The following VOPP1 variants were observed in gnomAD, a reference collection of about 807,000 sequenced individuals.
The protein encoded by VOPP1 is WW domain binding protein VOPP1.
In VOPP1, 8 loss-of-function variants were observed where a neutral mutation model predicts 23.5. The ratio of observed to expected loss-of-function variants is 0.34; its 90% CI spans 0.20 to 0.61. The LOEUF (loss-of-function observed/expected upper bound fraction) is 0.61. Ranked by LOEUF, VOPP1 falls within the 20% of genes least tolerant of loss-of-function variation. The pLI, the probability that VOPP1 is intolerant of heterozygous loss-of-function variation, is 0.78. For missense variants in VOPP1, 174 were observed against 238.1 expected, an observed-to-expected ratio of 0.73 and a Z score of 1.77; for synonymous variants, 83 against 97.3, an observed-to-expected ratio of 0.85 and a Z score of 0.86.
chr7:55,505,651 A>G (rs868416119), intron 2 of VOPP1, among the ~76,000 whole-genome samples: 129 of 78,612 alleles, frequency 1.6e-3, no homozygotes, highest in African/African-American at 7.7e-3. Flanking sequence ...GGAAGGAAGG[A>G]AGGGAGGGAG....
At chr7:55,439,639 C>T (rs919679501) in intron 4 of VOPP1, among the ~76,000 whole-genome samples, 10 of 152,256 alleles carry the variant, frequency 6.6e-5, no homozygotes, top group Admixed American at 5.2e-4. Flanking sequence ...GCTGGTGTCC[C>T]GGGACTAGGG....
intron 4 of VOPP1, among the ~76,000 whole-genome samples, chr7:55,460,190 C>T (rs1791465308): frequency 6.6e-6 from 1 of 152,020 alleles, no homozygotes; most frequent in Admixed American, 6.6e-5. Context: ...TCCAAAGCTC[C>T]TGTTATTTCT....
intron 4 of VOPP1, among the ~76,000 whole-genome samples, chr7:55,448,164 GTATTT>G (rs748979738): frequency 8.3e-4 from 126 of 152,166 alleles, no homozygotes; most frequent in Non-Finnish European, 1.6e-3. Context: ...CTTAAATCCA[GTATTT>G]TACTCTGAGG....
chr7:55,488,144 T>C (rs1202724874), intron 4 of VOPP1, among the ~76,000 whole-genome samples: 1 of 152,232 alleles, frequency 6.6e-6, no homozygotes, highest in Non-Finnish European at 1.5e-5. Context: ...TTTAGGGAGC[T>C]CTTTCTGCTG....
chr7:55,531,807 C>T (rs1418780444), intron 1 of VOPP1, among the ~76,000 whole-genome samples: 1 of 152,126 alleles, frequency 6.6e-6, no homozygotes, highest in Non-Finnish European at 1.5e-5. Context: ...TTGTTGTTTC[C>T]AACTACTATG....
rs199570162 is a variant in VOPP1, at chr7:55,436,621, TGTGTGTGTGC to T, written n.418-457_418-448del. 9.1e-3 allele frequency among the ~76,000 whole-genome samples: 1,314 copies of T among 144,988 alleles called. 17 individuals carry two copies. Among genetic ancestry groups the T allele is most frequent in the African/African-American group, 0.029 (1,191 of 40,434 alleles). On this transcript the variant is annotated intron_variant and non_coding_transcript_variant, in intron 4 of 4. Coordinates refer to the VOPP1 transcript ENST00000462326. ...GTGCATGAGTGTGTGTGCATGAGTG[TGTGTGTGTGC>T]GTGTGTGTGCGTGCGTGGGTGTGTG...
intron 3 of VOPP1, among the ~76,000 whole-genome samples, chr7:55,494,568 C>T (rs1022375290): frequency 7.9e-5 from 12 of 152,146 alleles, no homozygotes; most frequent in South Asian, 4.1e-4. Context: ...TGGAGTTACA[C>T]GGGATCCACT....
At chr7:55,551,473 C>G (rs538770119) in intron 1 of VOPP1, among the ~76,000 whole-genome samples, 2 of 152,318 alleles carry the variant, frequency 1.3e-5, no homozygotes, top group Admixed American at 1.3e-4. Context: ...TCAATTCTCC[C>G]ATCAGACGCA....
chr7:55,524,133 T>C (rs1468725176), intron 1 of VOPP1, among the ~76,000 whole-genome samples: 1 of 152,176 alleles, frequency 6.6e-6, no homozygotes, highest in Non-Finnish European at 1.5e-5. Context: ...AAGGGCACCA[T>C]TTCCATCCTA....
intron 1 of VOPP1, chr7:55,539,697 C>T (rs1257038576): frequency 6.6e-6 from 1 of 152,234 alleles, no homozygotes; most frequent in Non-Finnish European, 1.5e-5. Context: ...TTGAGTCCCT[C>T]TGGAGGTGGC....
At chr7:55,507,606 C>G (rs774435947) in intron 2 of VOPP1, among the ~76,000 whole-genome samples, 1 of 152,156 alleles carries the variant, frequency 6.6e-6, no homozygotes, top group Non-Finnish European at 1.5e-5. Context: ...TTTCCAAACA[C>G]AAGATTTTAG....
At chr7:55,441,435 G>C (rs1790962527) in intron 4 of VOPP1, among the ~76,000 whole-genome samples, 1 of 152,230 alleles carries the variant, frequency 6.6e-6, no homozygotes, top group South Asian at 2.1e-4. Flanking sequence ...GGGCAGGTGA[G>C]GGTGTGATTC....
At position 55,525,037 on chromosome 7, in the gene VOPP1, C is replaced by T. The variant is rs1275330969; in HGVS notation, c.55-3907G>A. ...CAAGCGGGAAGAGGCAGAAAGAAGG[C>T]CCCGTGCTGGGTCACGTGGAAGCAC... is the stretch of plus-strand genomic sequence containing the variant. On this transcript the variant is annotated intron_variant, in intron 1 of 4. Coordinates refer to ENST00000285279, the MANE Select transcript of VOPP1 (RefSeq NM_030796.5). 2.6e-5 allele frequency among the ~76,000 whole-genome samples: 4 copies of T among 152,090 alleles called. No homozygotes were observed. In the East Asian group the frequency reaches 7.7e-4, roughly 29 times the overall value.
intron 4 of VOPP1, among the ~76,000 whole-genome samples, chr7:55,445,705 T>C (rs1166128089): frequency 6.6e-6 from 1 of 152,218 alleles, no homozygotes; most frequent in African/African-American, 2.4e-5. Flanking sequence ...TAACTTGTTC[T>C]GCAATCTCCC....
At chr7:55,551,753 T>G (rs1797614548) in intron 1 of VOPP1, among the ~76,000 whole-genome samples, 1 of 151,910 alleles carries the variant, frequency 6.6e-6, no homozygotes, top group Non-Finnish European at 1.5e-5. Flanking sequence ...AAAATACATG[T>G]TGAAGGCTGG....
chr7:55,540,596 C>T (rs1234042430), intron 1 of VOPP1, among the ~76,000 whole-genome samples: 1 of 152,056 alleles, frequency 6.6e-6, no homozygotes, highest in Non-Finnish European at 1.5e-5. Context: ...CAAGGGCTGA[C>T]CTCCACCTGG....
intron 4 of VOPP1, among the ~76,000 whole-genome samples, chr7:55,487,802 C>A (rs1285527387): frequency 6.6e-6 from 1 of 152,214 alleles, no homozygotes; most frequent in African/African-American, 2.4e-5. Context: ...GCTCCCTTAA[C>A]CACCCCCTTG....
intron 4 of VOPP1, among the ~76,000 whole-genome samples, chr7:55,464,905 C>T (rs887634804): frequency 6.6e-6 from 1 of 152,182 alleles, no homozygotes; most frequent in Non-Finnish European, 1.5e-5. Flanking sequence ...AGTCTCAGGG[C>T]CCACAAGGGC....
chr7:55,540,869 G>C lies in VOPP1; in HGVS notation c.55-19739C>G, dbSNP rs1033121706. On this transcript the variant is annotated intron_variant, in intron 1 of 4. Transcript: ENST00000285279. ...GGCTTAGATCTCAAAAAGGGTCTGA[G>C]AAGGCTTACATAAATACCATTTTAA... Among the ~76,000 whole-genome samples, 9 of 152,192 alleles carry C rather than the reference G, an allele frequency of 5.9e-5. No individual in the cohort carries two copies. The South Asian group carries it at 1.9e-3, about 32-fold the overall frequency.
Sources: allele counts gnomAD v4.1 joint callset (sites outside exome capture counted in the v4.1 genomes callset), GRCh38; gene constraint gnomAD v4.1.1; transcripts MANE v1.5; gene names NCBI Gene and HGNC (gene_info 2026-07-23, HGNC 2026-07-21).